NOS1: variants seen among roughly 807,000 people sequenced by gnomAD.
NOS1 encodes NOS type I.
Under a neutral mutation model 164.5 loss-of-function variants are expected in NOS1, and 51 were observed. That is an observed-to-expected ratio of 0.31 (90% confidence interval 0.25 to 0.39). The LOEUF (loss-of-function observed/expected upper bound fraction) is 0.39. Among genes scored for constraint, NOS1 ranks in the 10% least tolerant of loss-of-function variants. The pLI is 1.00. For missense variants in NOS1, 1,362 were observed against 1,885.6 expected (o/e 0.72, Z 5.14); for synonymous variants, 719 against 745.8 (o/e 0.96, Z 0.59).
In NOS1 at chr12:117,218,046, T is replaced by C. The variant is rs1956638950; in HGVS notation, c.4289A>G (p.Glu1430Gly). Reference sequence around the variant, plus strand: ...TCACCCAGGGATGGAGCCAGCTTACTCATCGGTGTCTTTTTTGCTCTCTTC... The same window carrying C: ...TCACCCAGGGATGGAGCCAGCTTACCCATCGGTGTCTTTTTTGCTCTCTTC... ...FIEESKKDTD[E>G]VFSS The change falls in exon 28 of 29, where the codon GAG becomes GGG. Residue 1430 changes from glutamate to glycine, a missense_variant and splice_region_variant. Around this residue, in one of 4 missense-constraint regions of NOS1, gnomAD observed 737 missense variants for 1,030.3 expected, o/e 0.72. Transcript: ENST00000317775. 1 of 1,608,102 alleles carries C rather than the reference T, an allele frequency of 6.2e-7. No homozygotes were observed. The highest frequency in any genetic ancestry group is 8.5e-7 in the Non-Finnish European group (1 of 1,174,538).
intron 3 of NOS1, chr12:117,309,396 G>A (rs1284695225): frequency 1.0e-6 from 1 of 985,184 alleles, no homozygotes; most frequent in Non-Finnish European, 1.2e-6. Flanking sequence ...GCTCTAGAAT[G>A]TCTCATCCTC....
intron 16 of NOS1, among the ~76,000 whole-genome samples, chr12:117,254,116 T>A (rs9658441): frequency 5.9e-4 from 89 of 150,638 alleles, no homozygotes; most frequent in South Asian, 4.2e-3. Context: ...AAAAAAAAAA[T>A]TTTTTTTTGA....
chr12:117,254,115 A>AT (rs1380551512), intron 16 of NOS1, among the ~76,000 whole-genome samples: 108 of 151,312 alleles, frequency 7.1e-4, no homozygotes, highest in African/African-American at 2.4e-3. Context: ...AAAAAAAAAA[A>AT]TTTTTTTTTG....
At chr12:117,349,246 C>T (rs1430478806) in intron 1 of NOS1, among the ~76,000 whole-genome samples, 1 of 152,246 alleles carries the variant, frequency 6.6e-6, no homozygotes, top group East Asian at 1.9e-4. Flanking sequence ...GCTTCTTTCA[C>T]TCAGCATCAC....
Position 117,331,241 on chromosome 12 carries a change from C to T in NOS1, c.-172G>A, listed in dbSNP as rs1269381930. The T allele has an allele frequency of 5.3e-6, 4 of 752,214 alleles. No homozygotes were observed. The highest frequency in any genetic ancestry group is 8.4e-6 in the Non-Finnish European group (4 of 477,916). 46.6% of individuals were successfully genotyped at this position (752,214 alleles called of 1,614,324 possible). ...TTTGACGTCAGCTCAGCGTCACCCACTCATGGCTGGTGGCCCGTCGGTGGC... is the reference window on the plus strand; with the variant it reads ...TTTGACGTCAGCTCAGCGTCACCCATTCATGGCTGGTGGCCCGTCGGTGGC... On this transcript the variant is annotated 5_prime_UTR_variant, in exon 2 of 29. In the 5' UTR this introduces an upstream ATG that the reference lacks. Coordinates refer to ENST00000317775, the MANE Select transcript of NOS1 (RefSeq NM_000620.5).
rs752342959 is a variant in NOS1 at position 117,232,049 on chromosome 12, G to A, written c.3318C>T (p.Thr1106=). 1.9e-6 allele frequency: 3 copies of A among 1,612,508 alleles called. No homozygotes were observed. The highest frequency in any genetic ancestry group is 3.3e-5 in the Admixed American group (2 of 60,020). The part of the protein sequence containing the change: ...FQAFKYYLDI[T]TPPTPLQLQQ... ...GCAGCTGCAGAGGCGTTGGTGGCGT[G>A]GTGATGTCCAGGTAGTACTTGAAGG... Residue 1106 remains threonine, a synonymous_variant, in exon 22 of 29, where the codon ACC becomes ACT. Coordinates refer to ENST00000317775, the MANE Select transcript of NOS1 (RefSeq NM_000620.5).
intron 8 of NOS1, 69 bp downstream of exon 8, chr12:117,280,656 G>A (rs1020120451): frequency 2.1e-5 from 23 of 1,109,784 alleles, no homozygotes; most frequent in East Asian, 8.2e-5. Context: ...CATTAAGCCC[G>A]AAAAAGTCTG....
chr12:117,282,978 T>C (rs1873791058), intron 7 of NOS1, among the ~76,000 whole-genome samples: 2 of 151,334 alleles, frequency 1.3e-5, no homozygotes, highest in African/African-American at 4.9e-5. Context: ...CCTGCATCTC[T>C]CCCTCTCTTC....
Position 117,234,822 on chromosome 12 carries a change from C to A in NOS1, c.3042-64G>T. The A allele has an allele frequency of 7.0e-7, 1 of 1,422,104 alleles. No individual in the cohort carries two copies. The highest frequency in any genetic ancestry group is 1.3e-5 in the South Asian group (1 of 74,080). 88.1% of individuals were successfully genotyped at this position (1,422,104 alleles called of 1,614,324 possible). On this transcript the variant is annotated intron_variant, in intron 20 of 28. Transcript: ENST00000317775. The surrounding 1 kb of genome is among the most constrained non-coding windows in gnomAD (Gnocchi z 4.3). ...GCAGCTACTTCCTCCTTTTTTTGCTCTTCTGTCTGTCCTTGTTGGCTGCAA... is the reference window on the plus strand; with the variant it reads ...GCAGCTACTTCCTCCTTTTTTTGCTATTCTGTCTGTCCTTGTTGGCTGCAA...
intron 8 of NOS1, 35 bp downstream of exon 8, chr12:117,280,690 T>C (rs1002938570): frequency 1.0e-5 from 16 of 1,598,736 alleles, no homozygotes; most frequent in Non-Finnish European, 1.4e-5. Flanking sequence ...TAAGAGCCCA[T>C]GTTGGGGCAG....
chr12:117,335,280 G>C (rs1875752450), intron 1 of NOS1, among the ~76,000 whole-genome samples: 1 of 152,150 alleles, frequency 6.6e-6, no homozygotes, highest in East Asian at 1.9e-4. Flanking sequence ...ACGCCGGTCT[G>C]GGTGGGGGGC....
rs148563434 is a variant in NOS1, at chr12:117,256,113, G to A, written c.2531+2284C>T. On this transcript the variant is annotated intron_variant, in intron 16 of 28. Transcript: ENST00000317775. ...AGGGAACCTGCTGGGAGGCCATCTA[G>A]GATGGGGTGGGAAGGAGAGAGGTAA... is the stretch of plus-strand genomic sequence containing the variant. The A allele has an allele frequency of 4.4e-4, 312 of 711,922 alleles. 3 individuals are homozygous for A. The East Asian group carries it at 9.2e-3, about 21-fold the overall frequency. 44.1% of individuals were successfully genotyped at this position (711,922 alleles called of 1,614,324 possible).
Position 117,330,715 on chromosome 12 carries a change from T to A in NOS1, c.355A>T (p.Thr119Ser). 6.2e-7 allele frequency: 1 copy of A among 1,613,814 alleles called. No individual in the cohort carries two copies. The highest frequency in any genetic ancestry group is 8.5e-7 in the Non-Finnish European group (1 of 1,179,862). The part of the protein sequence containing the change: ...TTFTGDGTPK[T>S]IRVTQPLGPP... ...CCCAGGGGCTGTGTCACCCGGATGG[T>A]CTTGGGGGTCCCATCACCTGTAAAG... Residue 119 changes from threonine to serine, a missense_variant, in exon 2 of 29, where the codon ACC becomes TCC. By Grantham distance (58) the Thr-to-Ser change is moderately conservative. Coordinates refer to ENST00000317775, the MANE Select transcript of NOS1 (RefSeq NM_000620.5). This position sits in a 1 kb window ranked among gnomAD's most constrained non-coding sequence, Gnocchi z 4.6.
Position 117,222,589 on chromosome 12 carries a change from T to C in NOS1, c.3975+126A>G, listed in dbSNP as rs189629447. On this transcript the variant is annotated intron_variant, in intron 26 of 28. Transcript: ENST00000317775. ...TTTTCCCTACCCATGCTTTCTGAAG[T>C]ACAGAGCAACTTCATAGAGGGAAAA... The C allele has an allele frequency of 4.6e-6, 4 of 876,766 alleles. No individual in the cohort carries two copies. In the Admixed American group the frequency reaches 9.1e-5, roughly 20 times the overall value. 54.3% of individuals were successfully genotyped at this position (876,766 alleles called of 1,614,324 possible). A position where few individuals can be genotyped will look rare whatever the true frequency, so the allele number is the denominator to read the frequency against.
At chr12:117,291,251 A>G (rs897402667) in intron 3 of NOS1, among the ~76,000 whole-genome samples, 3 of 152,156 alleles carry the variant, frequency 2.0e-5, no homozygotes, top group African/African-American at 7.2e-5. Flanking sequence ...ATAAATTGAA[A>G]AAATGTGAAG....
intron 1 of NOS1, among the ~76,000 whole-genome samples, chr12:117,345,691 G>T (rs535812263): frequency 5.9e-5 from 9 of 152,300 alleles, no homozygotes; most frequent in African/African-American, 2.2e-4. Flanking sequence ...CATTTACTCA[G>T]CTTTTATCAA....
Position 117,272,376 on chromosome 12 carries a change from G to T in NOS1, c.1839+9C>A. Reference sequence around the variant, plus strand: ...CTTTTCCCCTGTGGTGACCAGAGAGGGCCCTTACCTCCAGGATATTGTAGC... The same window carrying T: ...CTTTTCCCCTGTGGTGACCAGAGAGTGCCCTTACCTCCAGGATATTGTAGC... On this transcript the variant is annotated intron_variant, in intron 10 of 28. Transcript: ENST00000317775. This position sits in a 1 kb window ranked among gnomAD's most constrained non-coding sequence, Gnocchi z 4.3. The T allele has an allele frequency of 6.2e-7, 1 of 1,614,034 alleles. No individual in the cohort carries two copies. Among genetic ancestry groups the T allele is most frequent in the Non-Finnish European group, 8.5e-7 (1 of 1,179,980 alleles).
At chr12:117,359,873 GTTT>G (rs1366549368) in intron 1 of NOS1, among the ~76,000 whole-genome samples, 2 of 33,956 alleles carry the variant, frequency 5.9e-5, no homozygotes, top group African/African-American at 1.9e-4. Context: ...TACAATAATG[GTTT>G]TATATATATA....
intron 2 of NOS1, among the ~76,000 whole-genome samples, chr12:117,324,388 G>A (rs1305492410): frequency 3.3e-5 from 5 of 152,076 alleles, no homozygotes; most frequent in African/African-American, 1.2e-4. Context: ...CCTCCTTCAG[G>A]GCAGCAAGCT....
Sources: gnomAD v4.1 joint callset for allele counts (sites outside exome capture counted in the v4.1 genomes callset) on GRCh38, gnomAD v4.1.1 for gene constraint, gnomAD v4.1.1 regional missense constraint, Gnocchi (gnomAD v3.1) non-coding constraint, MANE v1.5 for transcripts, NCBI Gene and HGNC (gene_info 2026-07-23, HGNC 2026-07-21) for gene names.